Variants in BCL9 observed in about 807,000 individuals in gnomAD.
BCL9 encodes the protein B-cell CLL/lymphoma 9 protein.
In BCL9, 25 loss-of-function variants were observed where a neutral mutation model predicts 88.5. The ratio of observed to expected loss-of-function variants is 0.28; its 90% CI spans 0.21 to 0.39. The LOEUF (loss-of-function observed/expected upper bound fraction) is 0.39. Among genes scored for constraint, BCL9 ranks in the 10% least tolerant of loss-of-function variants. BCL9 has a pLI of 1.00. For synonymous variants in BCL9, 711 were observed against 673.3 expected (o/e 1.06, Z -0.87); for missense variants, 1,817 against 1,877.8 (o/e 0.97, Z 0.60).
intron 1 of BCL9, among the ~76,000 whole-genome samples, chr1:147,587,756 CTGTGTGTG>C (rs3045400): frequency 1.4e-3 from 204 of 141,848 alleles, no homozygotes; most frequent in African/African-American, 4.4e-3. Context: ...GTAGTGAGGC[CTGTGTGTG>C]TGTGTGTGTG....
intron 1 of BCL9, among the ~76,000 whole-genome samples, chr1:147,562,008 G>C (rs1655397721): frequency 6.6e-6 from 1 of 152,196 alleles, no homozygotes; most frequent in Admixed American, 6.5e-5. Flanking sequence ...AGGCAAATGT[G>C]GAGAGGATAG....
At position 147,576,716 on chromosome 1, in the gene BCL9, A is replaced by G. The variant is rs369943462; in HGVS notation, c.-477-28061A>G. ...CGATTTATCTCAATACCAGCAATAA[A>G]GAAGCCAAGCTGATAGGTTCCAGTC... is the stretch of plus-strand genomic sequence containing the variant. On this transcript the variant is annotated intron_variant, in intron 1 of 9. Coordinates refer to ENST00000234739, the MANE Select transcript of BCL9 (RefSeq NM_004326.4). Among the ~76,000 whole-genome samples, 40 of 152,280 alleles carry G rather than the reference A, an allele frequency of 2.6e-4. No individual in the cohort carries two copies. The South Asian group carries it at 7.5e-3, about 28-fold the overall frequency.
intron 1 of BCL9, among the ~76,000 whole-genome samples, chr1:147,598,482 C>A (rs1204697197): frequency 6.6e-6 from 1 of 152,154 alleles, no homozygotes; most frequent in Non-Finnish European, 1.5e-5. Context: ...TCGGCTTTAT[C>A]ATTTAGGGCT....
chr1:147,559,388 CTT>C (rs1161030088), intron 1 of BCL9, among the ~76,000 whole-genome samples: 32 of 152,276 alleles, frequency 2.1e-4, no homozygotes, highest in African/African-American at 7.5e-4. Context: ...ATTTCTCTCT[CTT>C]GTCTATAAAC....
chr1:147,555,674 A>G (rs1285614762), intron 1 of BCL9, among the ~76,000 whole-genome samples: 1 of 152,162 alleles, frequency 6.6e-6, no homozygotes, highest in Non-Finnish European at 1.5e-5. Flanking sequence ...TTTCTTACAT[A>G]AGTCACACCC....
At chr1:147,613,673 G>A (rs1658127343) in intron 5 of BCL9, among the ~76,000 whole-genome samples, 1 of 152,156 alleles carries the variant, frequency 6.6e-6, no homozygotes, top group South Asian at 2.1e-4. Context: ...AAGCCTTAAT[G>A]GCCCTGGCAG....
At position 147,564,969 on chromosome 1, in the gene BCL9, C is replaced by T. The variant is rs587678647; in HGVS notation, c.-478+23295C>T. ...CTCTTTAGTCACACTAGCCTAATTTCGAGTACTCAATAGCTACATGTAACT... is the reference window on the plus strand; with the variant it reads ...CTCTTTAGTCACACTAGCCTAATTTTGAGTACTCAATAGCTACATGTAACT... On this transcript the variant is annotated intron_variant, in intron 1 of 9. Coordinates refer to ENST00000234739, the MANE Select transcript of BCL9 (RefSeq NM_004326.4). Among the ~76,000 whole-genome samples, 70 of 152,182 alleles carry T rather than the reference C, an allele frequency of 4.6e-4. 1 individual carries two copies. The South Asian group carries it at 0.01, about 23-fold the overall frequency.
At chr1:147,591,194 C>T (rs1553199866) in intron 1 of BCL9, among the ~76,000 whole-genome samples, 1 of 151,892 alleles carries the variant, frequency 6.6e-6, no homozygotes, top group Non-Finnish European at 1.5e-5. Flanking sequence ...GGTGCCTATT[C>T]CATAGGCAGT....
chr1:147,597,749 T>C (rs1553200634), intron 1 of BCL9, among the ~76,000 whole-genome samples: 1 of 152,208 alleles, frequency 6.6e-6, no homozygotes, highest in African/African-American at 2.4e-5. Flanking sequence ...AATTACCATT[T>C]CTATGGAACC....
chr1:147,591,523 C>G (rs1448264099), intron 1 of BCL9, among the ~76,000 whole-genome samples: 1 of 152,204 alleles, frequency 6.6e-6, no homozygotes, highest in Admixed American at 6.5e-5. Context: ...GGGGTTATTG[C>G]GTATATAAAT....
At chr1:147,603,541 GC>G (rs1201017471) in intron 1 of BCL9, among the ~76,000 whole-genome samples, 3 of 151,990 alleles carry the variant, frequency 2.0e-5, no homozygotes, top group Non-Finnish European at 4.4e-5. Context: ...TTGCTCTGTT[GC>G]CCAGGCTGGA....
In BCL9 at chr1:147,622,376, A is replaced by G. The variant is rs2101624463; in HGVS notation, c.3008A>G (p.Gln1003Arg). The G allele has an allele frequency of 6.2e-7, 1 of 1,614,146 alleles. No individual in the cohort carries two copies. ...ATGCCTCCAGAGCCAACCCTTTCCCAGAACCCACTCTCTATTATGATGTCT... is the reference window on the plus strand; with the variant it reads ...ATGCCTCCAGAGCCAACCCTTTCCCGGAACCCACTCTCTATTATGATGTCT... ...YTMPPEPTLS[Q>R]NPLSIMMSRM... The change falls in exon 9 of 10, where the codon CAG (glutamine) becomes CGG (arginine). Residue 1003 changes from glutamine (Q) to arginine (R), a missense_variant. By Grantham distance (43) the Gln-to-Arg change is conservative. Transcript: ENST00000234739.
chr1:147,594,618 G>C (rs1656972491), intron 1 of BCL9, among the ~76,000 whole-genome samples: 1 of 152,122 alleles, frequency 6.6e-6, no homozygotes, highest in African/African-American at 2.4e-5. Context: ...AAATTGGAGA[G>C]AGACAAGATC....
Position 147,614,524 on chromosome 1 carries a change from C to T in BCL9, c.468C>T (p.Pro156=), listed in dbSNP as rs782417406. The T allele has an allele frequency of 1.2e-6, 2 of 1,614,114 alleles. No individual in the cohort carries two copies. Among genetic ancestry groups the T allele is most frequent in the Non-Finnish European group, 1.7e-6 (2 of 1,180,002 alleles). Residue 156 remains proline (P), a synonymous_variant, in exon 6 of 10, where the codon CCC becomes CCT. Coordinates refer to ENST00000234739, the MANE Select transcript of BCL9 (RefSeq NM_004326.4). The part of the protein sequence containing the change: ...SNATAPRSST[P]SHGQTTATEP... The stretch of plus-strand genomic sequence containing the variant: ...CTACAGCCCCCAGGTCTTCTACCCC[C>T]TCCCATGGCCAAACTACTGCCACAG...
At chr1:147,589,532 T>C (rs1053689189) in intron 1 of BCL9, among the ~76,000 whole-genome samples, 1 of 152,228 alleles carries the variant, frequency 6.6e-6, no homozygotes, top group African/African-American at 2.4e-5. Flanking sequence ...TCTGTCTCTA[T>C]AGATTTACGT....
chr1:147,569,596 G>A (rs776538975), intron 1 of BCL9, among the ~76,000 whole-genome samples: 12 of 152,050 alleles, frequency 7.9e-5, no homozygotes, highest in Non-Finnish European at 1.0e-4. Context: ...GTTGTGGTGA[G>A]CCAAGATCTC....
rs1421426206 is a variant in BCL9 at position 147,625,283 on chromosome 1, CTGTA to C, written c.*328_*331del. On this transcript the variant is annotated 3_prime_UTR_variant, in exon 10 of 10. Coordinates refer to ENST00000234739, the MANE Select transcript of BCL9 (RefSeq NM_004326.4). ...CATCGGTCATGTGTTGCACCGTTCT[CTGTA>C]TGTTTACGTCCTTTGGACTGGCTTC... is the stretch of plus-strand genomic sequence containing the variant. 2.6e-5 allele frequency: 8 copies of C among 313,512 alleles called. No homozygotes were observed. In the South Asian group the frequency reaches 3.0e-4, roughly 12 times the overall value. The allele number at this position is 313,512 out of a possible 1,614,324, so 19.4% of individuals were successfully genotyped here.
chr1:147,545,763 T>G (rs1449992958), intron 1 of BCL9, among the ~76,000 whole-genome samples: 2 of 152,178 alleles, frequency 1.3e-5, no homozygotes, highest in Non-Finnish European at 2.9e-5. Flanking sequence ...CAATGGAAAT[T>G]TTCTCCATTC....
chr1:147,614,380 G>A, intron 5 of BCL9, 47 bp from the exon 6 acceptor site: 1 of 1,588,820 alleles, frequency 6.3e-7, no homozygotes, highest in South Asian at 1.1e-5. Flanking sequence ...GCTGGCAGAA[G>A]AAAGGAAATT....
Sources: allele counts gnomAD v4.1 joint callset (sites outside exome capture counted in the v4.1 genomes callset), GRCh38; gene constraint gnomAD v4.1.1; transcripts MANE v1.5; gene names NCBI Gene and HGNC (gene_info 2026-07-23, HGNC 2026-07-21).